Variants in MYBL2 observed in about 807,000 individuals in gnomAD.
MYBL2 encodes the protein MYB proto-oncogene like 2.
A neutral mutation model predicts 79.9 loss-of-function variants in MYBL2; 28 were observed. That is an observed-to-expected ratio of 0.35 (90% CI 0.26 to 0.48). The LOEUF is 0.48. Ranked by LOEUF, MYBL2 falls within the 20% of genes least tolerant of loss-of-function variation. The pLI, the probability that MYBL2 is intolerant of heterozygous loss-of-function variation, is 0.99. For missense variants in MYBL2, 735 were observed against 893.9 expected (o/e 0.82, Z 2.27); for synonymous variants, 378 against 361.2 (o/e 1.05, Z -0.53).
chr20:43,683,668 C>G (rs2145715438), intron 4 of MYBL2, among the ~76,000 whole-genome samples: 1 of 149,974 alleles, frequency 6.7e-6, no homozygotes, highest in East Asian at 2.0e-4. Context: ...ATTCTCGTGT[C>G]TTAGCCTCTT....
At chr20:43,691,013 A>G (rs1265775933) in intron 5 of MYBL2, among the ~76,000 whole-genome samples, 2 of 152,140 alleles carry the variant, frequency 1.3e-5, no homozygotes, top group African/African-American at 4.8e-5. Context: ...CTACTGTTCT[A>G]CTGTAGATGT....
chr20:43,696,893 A>C (rs1421839441), intron 6 of MYBL2, among the ~76,000 whole-genome samples: 1 of 152,282 alleles, frequency 6.6e-6, no homozygotes, highest in Non-Finnish European at 1.5e-5. Context: ...TGCCCAGCTA[A>C]TTTTTGTATT....
At chr20:43,709,056 T>C (rs1470061401) in intron 9 of MYBL2, among the ~76,000 whole-genome samples, 1 of 152,182 alleles carries the variant, frequency 6.6e-6, no homozygotes, top group Non-Finnish European at 1.5e-5. Flanking sequence ...TATCTCCCCA[T>C]GGAGTGGCTG....
At chr20:43,694,918 CT>C (rs1315176785) in intron 6 of MYBL2, among the ~76,000 whole-genome samples, 2 of 152,188 alleles carry the variant, frequency 1.3e-5, no homozygotes, top group African/African-American at 4.8e-5. Flanking sequence ...AAAAACTCTA[CT>C]GTGCTGAAAG....
At chr20:43,684,477 T>C (rs73624569) in intron 4 of MYBL2, among the ~76,000 whole-genome samples, 2 of 150,738 alleles carry the variant, frequency 1.3e-5, no homozygotes, top group Non-Finnish European at 3.0e-5. Flanking sequence ...CCTTGTGATC[T>C]ACCCACCTCA....
chr20:43,713,056 G>A lies in MYBL2; in HGVS notation c.1774G>A (p.Asp592Asn). The change falls in exon 12 of 14, where the codon GAT becomes AAT. Residue 592 changes from aspartate (D) to asparagine (N), a missense_variant. Asp to Asn is a conservative substitution (Grantham distance 23, BLOSUM62 1). Coordinates refer to ENST00000217026, the MANE Select transcript of MYBL2 (RefSeq NM_002466.4). ...VRKSLALDIV[D>N]EDVKLMMSTL... ...GAAGTCTCTGGCTCTTGACATTGTG[G>A]ATGAGGATGTGAAGCTGATGATGTC... 1.2e-6 allele frequency: 2 copies of A among 1,613,466 alleles called. No individual in the cohort carries two copies. Among genetic ancestry groups the A allele is most frequent in the African/African-American group, 1.3e-5 (1 of 75,042 alleles).
At chr20:43,697,404 GT>G (rs1397810582) in intron 6 of MYBL2, among the ~76,000 whole-genome samples, 1 of 151,032 alleles carries the variant, frequency 6.6e-6, no homozygotes, top group Non-Finnish European at 1.5e-5. Flanking sequence ...GAGGCTAGGA[GT>G]TTGAGGCCAG....
At chr20:43,707,768 T>C (rs576849337) in intron 9 of MYBL2, among the ~76,000 whole-genome samples, 71 of 151,938 alleles carry the variant, frequency 4.7e-4, no homozygotes, top group African/African-American at 1.2e-3. Context: ...TCTATTTTTT[T>C]CCCCCCCGGC....
intron 4 of MYBL2, among the ~76,000 whole-genome samples, chr20:43,684,625 C>A (rs933005356): frequency 4.0e-5 from 6 of 151,264 alleles, no homozygotes; most frequent in African/African-American, 1.5e-4. Context: ...ATCTTCTCGC[C>A]TTGGCCTCCC....
intron 1 of MYBL2, among the ~76,000 whole-genome samples, chr20:43,670,949 T>G (rs1014082427): frequency 3.1e-4 from 37 of 121,144 alleles, no homozygotes; most frequent in Admixed American, 5.6e-4. Flanking sequence ...TGGAGGTGGA[T>G]CCTATGATTT....
intron 9 of MYBL2, among the ~76,000 whole-genome samples, chr20:43,708,583 C>G (rs1304293844): frequency 6.6e-6 from 1 of 152,080 alleles, no homozygotes; most frequent in African/African-American, 2.4e-5. Context: ...CAAGCACCAC[C>G]ATGGCTGGCT....
intron 1 of MYBL2, among the ~76,000 whole-genome samples, chr20:43,669,770 C>T (rs752403615): frequency 7.2e-5 from 11 of 152,184 alleles, no homozygotes. Context: ...ATGGCCAGCA[C>T]ATATGGTAAA....
rs144135783 is a variant in MYBL2, at chr20:43,677,579, C to T, written c.114+3680C>T. 9.8e-4 allele frequency among the ~76,000 whole-genome samples: 149 copies of T among 152,312 alleles called. 2 individuals carry two copies. The highest frequency in any genetic ancestry group is 3.2e-3 in the African/African-American group (133 of 41,568). ...GCCAGTTTGGTGGGAGGGAAGGGTC[C>T]TTGAAGGGGAGAAATGGTTGACGGA... On this transcript the variant is annotated intron_variant, in intron 2 of 13. Coordinates refer to ENST00000217026, the MANE Select transcript of MYBL2 (RefSeq NM_002466.4).
chr20:43,668,194 CTTTTTTTTTTTTT>C (rs3091539), intron 1 of MYBL2, among the ~76,000 whole-genome samples: 1 of 80,620 alleles, frequency 1.2e-5, no homozygotes, highest in Non-Finnish European at 2.4e-5. Context: ...TTCGTTCCCT[CTTTTTTTTTTTTT>C]TTTTTTTTTT....
chr20:43,695,949 C>T (rs1430592947), intron 6 of MYBL2, among the ~76,000 whole-genome samples: 2 of 151,724 alleles, frequency 1.3e-5, no homozygotes, highest in Admixed American at 1.3e-4. Flanking sequence ...ACTGGCGTGG[C>T]GGAGGTTGCA....
chr20:43,672,642 T>C (rs1286618784), intron 1 of MYBL2, among the ~76,000 whole-genome samples: 1 of 152,108 alleles, frequency 6.6e-6, no homozygotes. Flanking sequence ...CTTGGGAGGC[T>C]GAGGTGGGAG....
chr20:43,697,515 G>T (rs1329783876), intron 6 of MYBL2, among the ~76,000 whole-genome samples: 2 of 152,070 alleles, frequency 1.3e-5, no homozygotes, highest in South Asian at 2.1e-4. Context: ...GGAGGCTGAG[G>T]CATGAGAATC....
Position 43,703,786 on chromosome 20 carries a change from C to T in MYBL2, c.1365+883C>T, listed in dbSNP as rs558303435. Among the ~76,000 whole-genome samples the T allele has an allele frequency of 6.6e-5, 10 of 152,124 alleles. No individual in the cohort carries two copies. The South Asian group carries it at 1.0e-3, about 16-fold the overall frequency. On this transcript the variant is annotated intron_variant, in intron 8 of 13. Transcript: ENST00000217026. ...TGGCATTTTGAGAGAGACCCTGTGT[C>T]GGTTTGCTCCGGCTGCTTAACAGAG...
intron 8 of MYBL2, 78 bp from the exon 9 acceptor site, chr20:43,705,141 T>C: frequency 6.5e-7 from 1 of 1,544,604 alleles, no homozygotes. Flanking sequence ...CAAGGATCTC[T>C]CCCCATGATC....
Sources: allele counts gnomAD v4.1 joint callset (sites outside exome capture counted in the v4.1 genomes callset), GRCh38; gene constraint gnomAD v4.1.1; transcripts MANE v1.5; gene names NCBI Gene and HGNC (gene_info 2026-07-23, HGNC 2026-07-21).